The following CFAP53 variants were observed in gnomAD, a reference collection of about 807,000 sequenced individuals.
The protein encoded by CFAP53 is cilia and flagella associated protein 53.
Under a neutral mutation model 59.7 loss-of-function variants are expected in CFAP53, and 62 were observed. The observed-to-expected ratio is 1.04, with a 90% confidence interval of 0.85 to 1.28. CFAP53 has a LOEUF of 1.28. Ranked by LOEUF, CFAP53 falls within the 50% of genes most tolerant of loss-of-function variation. The pLI, the probability that CFAP53 is intolerant of heterozygous loss-of-function variation, is 0.00. For missense variants in CFAP53, 629 were observed against 615.6 expected (o/e 1.02, Z -0.23); for synonymous variants, 218 against 205.7 (o/e 1.06, Z -0.51).
chr18:50,248,449 T>A (rs116455048), intron 5 of CFAP53, among the ~76,000 whole-genome samples: 1 of 152,196 alleles, frequency 6.6e-6, no homozygotes, highest in African/African-American at 2.4e-5. Flanking sequence ...GCAATTACTA[T>A]ATGACATAGC....
At chr18:50,242,818 G>A (rs1053019449) in intron 6 of CFAP53, 82 bp downstream of exon 6, 1 of 1,120,526 alleles carries the variant, frequency 8.9e-7, no homozygotes, top group Non-Finnish European at 1.3e-6. Flanking sequence ...TACATAATAA[G>A]TATTATGGTT....
At chr18:50,233,142 G>T (rs1352007624) in intron 7 of CFAP53, among the ~76,000 whole-genome samples, 1 of 152,008 alleles carries the variant, frequency 6.6e-6, no homozygotes, top group African/African-American at 2.4e-5. Flanking sequence ...TGTTACTAAG[G>T]TCCTGGTGCT....
At position 50,251,629 on chromosome 18, in the gene CFAP53, A is replaced by C. The variant is rs762637087; in HGVS notation, c.629T>G (p.Leu210Ter). Residue 210 changes from leucine (L) to a stop codon, truncating the protein, a stop_gained, in exon 4 of 8, where the codon TTA (leucine) becomes TGA (stop). Coordinates refer to ENST00000398545, the MANE Select transcript of CFAP53 (RefSeq NM_145020.5). LOFTEE classifies it high-confidence loss of function. ...TTGGGCTTCTCGCTTTTCCTTGGCT[A>C]ATCGGTCTTCCTCCCAGAGTTTGGA... ...MFSKLWEEDR[L>*]AKEKREAQEA... The C allele has an allele frequency of 6.2e-7, 1 of 1,614,100 alleles. No individual in the cohort carries two copies. The highest frequency in any genetic ancestry group is 8.5e-7 in the Non-Finnish European group (1 of 1,180,014).
At chr18:50,238,800 G>A in intron 6 of CFAP53, 95 bp from the exon 7 acceptor site, 1 of 825,896 alleles carries the variant, frequency 1.2e-6, no homozygotes, top group East Asian at 2.6e-5. Flanking sequence ...CTTTAGAAAG[G>A]CAGAGCTTAG....
rs2033820671 is a variant in CFAP53 at position 50,253,533 on chromosome 18, G to A, written c.474-1749C>T. Among the ~76,000 whole-genome samples the A allele has an allele frequency of 3.3e-5, 5 of 152,244 alleles. No individual in the cohort carries two copies. In the South Asian group the frequency reaches 1.0e-3, roughly 32 times the overall value. ...ATAACCAGTAGTAGGAATATTATTA[G>A]CAAAAGTTATTAAGTGCTTATTATC... On this transcript the variant is annotated intron_variant, in intron 3 of 7. Transcript: ENST00000398545.
chr18:50,233,833 A>G, intron 7 of CFAP53, among the ~76,000 whole-genome samples: 2 of 152,238 alleles, frequency 1.3e-5, no homozygotes, highest in East Asian at 3.8e-4. Flanking sequence ...ATTACTAACA[A>G]GCCTGATACT....
intron 3 of CFAP53, among the ~76,000 whole-genome samples, chr18:50,255,003 AT>A (rs540172914): frequency 6.6e-6 from 1 of 152,364 alleles, no homozygotes; most frequent in South Asian, 2.1e-4. Flanking sequence ...TTCCTGTCAG[AT>A]TTACTTATAA....
At chr18:50,237,717 A>C (rs982395032) in intron 7 of CFAP53, among the ~76,000 whole-genome samples, 1 of 152,086 alleles carries the variant, frequency 6.6e-6, no homozygotes, top group Non-Finnish European at 1.5e-5. Flanking sequence ...GAAAAACTGC[A>C]GGGAGGTAGC....
chr18:50,254,008 C>T (rs1292177283), intron 3 of CFAP53, among the ~76,000 whole-genome samples: 1 of 151,896 alleles, frequency 6.6e-6, no homozygotes, highest in Non-Finnish European at 1.5e-5. Flanking sequence ...AAAGCACAAT[C>T]CATAAAAGAA....
chr18:50,247,704 G>A (rs2033758225), intron 5 of CFAP53, among the ~76,000 whole-genome samples: 1 of 152,202 alleles, frequency 6.6e-6, no homozygotes, highest in South Asian at 2.1e-4. Context: ...AAAGAAGACA[G>A]TCAACAGGTC....
chr18:50,252,105 TTTTTC>T (rs1473930175), intron 3 of CFAP53, among the ~76,000 whole-genome samples: 2 of 7,922 alleles, frequency 2.5e-4, no homozygotes, highest in South Asian at 0.025. Context: ...TTGCTTACTT[TTTTTC>T]TTTTTTTTTT....
Position 50,253,018 on chromosome 18 carries a change from C to CT in CFAP53, c.474-1235dup, listed in dbSNP as rs1202677473. Among the ~76,000 whole-genome samples, 907 of 142,106 alleles carry CT rather than the reference C, an allele frequency of 6.4e-3. 3 individuals are homozygous for CT. The highest frequency in any genetic ancestry group is 0.026 in the Middle Eastern group (7 of 272). 93.2% of individuals were successfully genotyped at this position (142,106 alleles called of 152,430 possible). ...ACTCTAGGTCAGTAAGACCCTGTTT[C>CT]TTTTTTTTTTTTTTTTGAGACGGAG... On this transcript the variant is annotated intron_variant, in intron 3 of 7. Coordinates refer to ENST00000398545, the MANE Select transcript of CFAP53 (RefSeq NM_145020.5).
chr18:50,249,510 T>C (rs2144420608), intron 5 of CFAP53, among the ~76,000 whole-genome samples: 1 of 149,668 alleles, frequency 6.7e-6, no homozygotes, highest in African/African-American at 2.5e-5. Context: ...AGGGCAAGAC[T>C]GTCTCAAAAA....
chr18:50,265,040 G>T (rs1446920334), intron 1 of CFAP53, among the ~76,000 whole-genome samples: 1 of 152,186 alleles, frequency 6.6e-6, no homozygotes. Context: ...TAATAAAACT[G>T]TATCACTGAT....
chr18:50,233,607 C>T (rs1417136176), intron 7 of CFAP53, among the ~76,000 whole-genome samples: 1 of 152,222 alleles, frequency 6.6e-6, no homozygotes, highest in Non-Finnish European at 1.5e-5. Flanking sequence ...TCGCCTGTCT[C>T]CCTGAGTTTA....
At chr18:50,258,181 T>A (rs2033861580) in intron 3 of CFAP53, among the ~76,000 whole-genome samples, 1 of 152,192 alleles carries the variant, frequency 6.6e-6, no homozygotes, top group South Asian at 2.1e-4. Flanking sequence ...TCTGGAGGAA[T>A]CACATTACCT....
intron 7 of CFAP53, among the ~76,000 whole-genome samples, chr18:50,235,575 T>C (rs2033625839): frequency 6.6e-6 from 1 of 152,156 alleles, no homozygotes. Flanking sequence ...CAAAAAATAA[T>C]AATAACAGTA....
chr18:50,239,231 T>C (rs1381352847), intron 6 of CFAP53, among the ~76,000 whole-genome samples: 2 of 151,572 alleles, frequency 1.3e-5, no homozygotes, highest in African/African-American at 2.4e-5. Flanking sequence ...CTACTAAAAG[T>C]ACAAAAATTA....
At position 50,261,251 on chromosome 18, in the gene CFAP53, C is replaced by T; in HGVS notation, c.300-14G>A. ...AGCTCACGTAGCCTGAAACAAAAAGCCAAAAAAAAAAAAAAAAAAAGAAAA... is the reference window on the plus strand; with the variant it reads ...AGCTCACGTAGCCTGAAACAAAAAGTCAAAAAAAAAAAAAAAAAAAGAAAA... On this transcript the variant is annotated splice_polypyrimidine_tract_variant and intron_variant, in intron 2 of 7. Transcript: ENST00000398545. The T allele has an allele frequency of 9.0e-7, 1 of 1,110,786 alleles. No individual in the cohort carries two copies. The highest frequency in any genetic ancestry group is 3.4e-5 in the South Asian group (1 of 29,256). 68.8% of individuals were successfully genotyped at this position (1,110,786 alleles called of 1,614,324 possible). A position where few individuals can be genotyped will look rare whatever the true frequency, so the allele number is the denominator to read the frequency against.
Sources: gnomAD v4.1 joint callset for allele counts (sites outside exome capture counted in the v4.1 genomes callset) on GRCh38, gnomAD v4.1.1 for gene constraint, MANE v1.5 for transcripts, NCBI Gene and HGNC (gene_info 2026-07-23, HGNC 2026-07-21) for gene names.